The following MYO15B variants were observed in gnomAD, a reference collection of about 807,000 sequenced individuals.
The protein encoded by MYO15B is myosin XVB, also known as myosin XVB pseudogene.
MYO15B carries 207 observed loss-of-function variants against 119.3 expected under a neutral mutation model. The observed-to-expected ratio is 1.73, with a 90% CI of 1.55 to 1.95. The LOEUF is 1.95. Among genes scored for constraint, MYO15B ranks in the 30% most tolerant of loss-of-function variants. MYO15B has a pLI of 0.00. For missense variants in MYO15B, 2,264 were observed against 1,203.1 expected (o/e 1.88, Z -13.04); for synonymous variants, 966 against 498.9 (o/e 1.94, Z -12.48).
exon 1 of MYO15B, chr17:75,590,098 G>C (rs2056339065): frequency 5.0e-6 from 2 of 398,970 alleles, no homozygotes; most frequent in Non-Finnish European, 4.4e-6. Context: ...GGAGCTGTGG[G>C]AACCCGAGGA....
intron 28 of MYO15B, 47 bp downstream of exon 28, chr17:75,613,518 A>G (rs1053906355): frequency 1.7e-5 from 11 of 657,642 alleles, no homozygotes; most frequent in Non-Finnish European, 2.7e-5. Context: ...AAGTGGGGCC[A>G]GCCCTACCCC....
rs60489681 is a variant in MYO15B, at chr17:75,599,279, AT to A, written c.3526-2144del. 5.7e-3 allele frequency among the ~76,000 whole-genome samples: 797 copies of A among 140,652 alleles called. 4 individuals are homozygous for A. Among genetic ancestry groups the A allele is most frequent in the Middle Eastern group, 7.4e-3 (2 of 270 alleles). The allele number at this position is 140,652 out of a possible 152,430, so 92.3% of individuals were successfully genotyped here. On this transcript the variant is annotated intron_variant, in intron 14 of 63. Transcript: ENST00000645453. ...CCAACTGAGTTACTTTTTGAAAGTG[AT>A]TTTTTTTTTTTTTTGAGACAGAGTC...
At chr17:75,621,632 T>A in intron 52 of MYO15B, 62 bp downstream of exon 52, 2 of 678,584 alleles carry the variant, frequency 2.9e-6, no homozygotes, top group South Asian at 3.0e-5. Context: ...GGGTGTCTGG[T>A]CCCCTTATCT....
rs1372462474 is a variant in MYO15B at position 75,620,241 on chromosome 17, C to T, written c.7444-5C>T. ...TGCTCCAGGCCCTCGCCTGCTTGCCCACAGGACTCCGGCTATGTCATCGCC... is the reference window on the plus strand; with the variant it reads ...TGCTCCAGGCCCTCGCCTGCTTGCCTACAGGACTCCGGCTATGTCATCGCC... On this transcript the variant is annotated splice_region_variant and splice_polypyrimidine_tract_variant and intron_variant, in intron 47 of 63. Transcript: ENST00000645453. The T allele has an allele frequency of 8.5e-6, 6 of 702,474 alleles. No individual in the cohort carries two copies. The Admixed American group carries it at 1.2e-4, about 14-fold the overall frequency. 43.5% of individuals were successfully genotyped at this position (702,474 alleles called of 1,614,324 possible). A position where few individuals can be genotyped will look rare whatever the true frequency, so the allele number is the denominator to read the frequency against.
exon 39 of MYO15B, chr17:75,616,591 A>AGAGGCT (rs1332188150): frequency 2.8e-6 from 2 of 703,050 alleles, no homozygotes; most frequent in African/African-American, 1.7e-5. Context: ...AAGCTCCAAA[A>AGAGGCT]GAGGCTGAGG....
Position 75,623,788 on chromosome 17 carries a change from A to AGCAGGAGAAGC in MYO15B, c.8091_8101dup (p.Leu2701ArgfsTer5), listed in dbSNP as rs1308488940. 1.6e-5 allele frequency: 11 copies of AGCAGGAGAAGC among 703,008 alleles called. No individual in the cohort carries two copies. The East Asian group carries it at 3.0e-4, about 19-fold the overall frequency. The allele number at this position is 703,008 out of a possible 1,614,324, so 43.5% of individuals were successfully genotyped here. A position where few individuals can be genotyped will look rare whatever the true frequency, so the allele number is the denominator to read the frequency against. On this transcript the variant is annotated frameshift_variant, in exon 54 of 64. Transcript: ENST00000645453. LOFTEE classifies it high-confidence loss of function. ...CCCTTCCTGTCCCCACAGCTGTGCC[A>AGCAGGAGAAGC]GCAGGAGAAGCTGAGGGATGAGATT...
chr17:75,623,906 C>T (rs2058856089), intron 54 of MYO15B, 43 bp from the exon 55 acceptor site: 1 of 702,802 alleles, frequency 1.4e-6, no homozygotes, highest in African/African-American at 1.7e-5. Context: ...CAGCTGGGCA[C>T]TGTGGCCTGG....
exon 9 of MYO15B, chr17:75,592,698 A>C: frequency 1.4e-6 from 1 of 701,354 alleles, no homozygotes; most frequent in South Asian, 1.5e-5. Flanking sequence ...TGCAGGCTGC[A>C]AGGCAAGGAG....
chr17:75,617,233 C>T (rs1036952138), exon 41 of MYO15B: 5 of 697,668 alleles, frequency 7.2e-6, no homozygotes, highest in Admixed American at 4.1e-5. Context: ...ATTGCCCACA[C>T]ACCCCCACCT....
intron 14 of MYO15B, among the ~76,000 whole-genome samples, chr17:75,598,611 T>C (rs1196636998): frequency 1.3e-5 from 2 of 152,108 alleles, no homozygotes; most frequent in Admixed American, 6.6e-5. Flanking sequence ...CGTTGATCAC[T>C]GTCATATTAA....
At chr17:75,621,476 C>T (rs1309052877) in intron 51 of MYO15B, 25 bp from the exon 52 acceptor site, 1 of 701,316 alleles carries the variant, frequency 1.4e-6, no homozygotes, top group African/African-American at 1.7e-5. Context: ...CCCCCAGACC[C>T]ATGGCCTCCT....
chr17:75,624,434 T>A (rs2058900662), exon 57 of MYO15B: 1 of 702,616 alleles, frequency 1.4e-6, no homozygotes, highest in South Asian at 1.5e-5. Context: ...AGGACGAATA[T>A]CCAGACTTTC....
At chr17:75,601,490 C>G (rs951267252) in exon 15 of MYO15B, 2 of 702,976 alleles carry the variant, frequency 2.8e-6, no homozygotes, top group African/African-American at 1.7e-5. Context: ...GGTGACCACC[C>G]CAGCTATGCC....
intron 31 of MYO15B, 43 bp downstream of exon 31, chr17:75,614,726 A>G (rs1177465343): frequency 1.4e-6 from 1 of 702,664 alleles, no homozygotes; most frequent in East Asian, 2.7e-5. Context: ...GAGCATGGGA[A>G]GCCCCACGCC....
At chr17:75,614,499 C>A in intron 30 of MYO15B, 84 bp from the exon 31 acceptor site, 1 of 675,952 alleles carries the variant, frequency 1.5e-6, no homozygotes, top group Admixed American at 2.1e-5. Context: ...ATGGGGTGAC[C>A]CCCGCAGCAG....
At chr17:75,620,139 T>G (rs954755112) in intron 47 of MYO15B, 107 bp from the exon 48 acceptor site, 5 of 685,002 alleles carry the variant, frequency 7.3e-6, no homozygotes, top group Non-Finnish European at 1.3e-5. Flanking sequence ...CCTGGAAGTC[T>G]GGGGTGCTAG....
chr17:75,625,630 A>G (rs778232527), exon 61 of MYO15B: 17 of 702,944 alleles, frequency 2.4e-5, no homozygotes, highest in Non-Finnish European at 4.4e-5. Flanking sequence ...GGAAGGACAC[A>G]GCCCCCAGGA....
exon 38 of MYO15B, chr17:75,616,438 C>T: frequency 1.6e-6 from 1 of 635,780 alleles, no homozygotes; most frequent in East Asian, 2.7e-5. Flanking sequence ...GAAGTGGAAA[C>T]AAGAGCAGGT....
exon 46 of MYO15B, chr17:75,619,766 G>A (rs1293723419): frequency 8.5e-6 from 6 of 702,770 alleles, no homozygotes; most frequent in Admixed American, 4.0e-5. Flanking sequence ...CCCGGCCTCC[G>A]CCCCGACCAG....
Sources: allele counts gnomAD v4.1 joint callset (sites outside exome capture counted in the v4.1 genomes callset), GRCh38; gene constraint gnomAD v4.1.1; transcripts MANE v1.5; gene names NCBI Gene and HGNC (gene_info 2026-07-23, HGNC 2026-07-21).